Variants in ATXN2 observed in about 807,000 individuals in gnomAD.
ATXN2 encodes ataxin 2.
A neutral mutation model predicts 138.6 loss-of-function variants in ATXN2; 37 were observed. The observed-to-expected ratio is 0.27, with a 90% CI of 0.21 to 0.35. The LOEUF (loss-of-function observed/expected upper bound fraction) is 0.35, where lower values mean the gene tolerates loss of function less well. Ranked by LOEUF, ATXN2 falls within the 10% of genes least tolerant of loss-of-function variation. The pLI is 1.00. For missense variants in ATXN2, 1,216 were observed against 1,480.3 expected, an observed-to-expected ratio of 0.82 and a Z score of 2.93; for synonymous variants, 549 against 543.7, an observed-to-expected ratio of 1.01 and a Z score of -0.13.
At chr12:111,520,762 G>GA in intron 7 of ATXN2, 120 bp downstream of exon 7, 3 of 599,954 alleles carry the variant, frequency 5.0e-6, no homozygotes, top group Non-Finnish European at 8.1e-6. Context: ...GGTAATAAGA[G>GA]AAAAATTATT....
intron 14 of ATXN2, among the ~76,000 whole-genome samples, chr12:111,509,212 T>C (rs1159941207): frequency 6.6e-6 from 1 of 152,164 alleles, no homozygotes; most frequent in Non-Finnish European, 1.5e-5. Flanking sequence ...CATCTTCCAT[T>C]TGCCACACTA....
chr12:111,540,851 T>G (rs1592880044), intron 5 of ATXN2, among the ~76,000 whole-genome samples: 1 of 149,580 alleles, frequency 6.7e-6, no homozygotes, highest in Non-Finnish European at 1.5e-5. Context: ...TGTGCTACCA[T>G]GCCTGACTAA....
At position 111,599,295 on chromosome 12, in the gene ATXN2, A is replaced by T; in HGVS notation, c.-261T>A. 1 of 881,534 alleles carries T rather than the reference A, an allele frequency of 1.1e-6. No individual in the cohort carries two copies. The highest frequency in any genetic ancestry group is 1.3e-6 in the Non-Finnish European group (1 of 786,636). 54.6% of individuals were successfully genotyped at this position (881,534 alleles called of 1,614,324 possible). A position where few individuals can be genotyped will look rare whatever the true frequency, so the allele number is the denominator to read the frequency against. On this transcript the variant is annotated 5_prime_UTR_variant, in exon 1 of 25. Coordinates refer to ENST00000673436, the MANE Select transcript of ATXN2 (RefSeq NM_001372574.1). Reference sequence around the variant, plus strand: ...TTGCCGTTGCTACCAAAACAGTCTGAGGCGGAGGGAGGCGAGCTCTGCCGG... The same window carrying T: ...TTGCCGTTGCTACCAAAACAGTCTGTGGCGGAGGGAGGCGAGCTCTGCCGG...
chr12:111,566,542 A>G (rs1883020106), intron 1 of ATXN2, among the ~76,000 whole-genome samples: 1 of 152,144 alleles, frequency 6.6e-6, no homozygotes, highest in African/African-American at 2.4e-5. Context: ...TCTAAAAAGT[A>G]TTCACCATTC....
Position 111,598,068 on chromosome 12 carries a change from T to TGG in ATXN2, c.251+714_251+715dup. On this transcript the variant is annotated intron_variant, in intron 1 of 24. Transcript: ENST00000673436. This position sits in a 1 kb window ranked among gnomAD's most constrained non-coding sequence, Gnocchi z 4.5. The stretch of plus-strand genomic sequence containing the variant: ...CTTCCCTTCCCCAGGTGGGGGAGGG[T>TGG]GGAACGCTGCCGGAGGCCACATGGA... 2 of 1,141,708 alleles carry TGG rather than the reference T, an allele frequency of 1.8e-6. No homozygotes were observed. Among genetic ancestry groups the TGG allele is most frequent in the Non-Finnish European group, 2.2e-6 (2 of 914,628 alleles). The allele number at this position is 1,141,708 out of a possible 1,614,324, so 70.7% of individuals were successfully genotyped here.
At chr12:111,517,089 A>G (rs150832331) in intron 9 of ATXN2, among the ~76,000 whole-genome samples, 1 of 152,324 alleles carries the variant, frequency 6.6e-6, no homozygotes, top group African/African-American at 2.4e-5. Context: ...TGCTTAATAA[A>G]TACTGCAACT....
chr12:111,561,166 T>G (rs1169013205), intron 1 of ATXN2, among the ~76,000 whole-genome samples: 1 of 141,554 alleles, frequency 7.1e-6, no homozygotes, highest in Admixed American at 7.2e-5. Flanking sequence ...GCCTGGGCAA[T>G]ACAGCGAGAC....
At chr12:111,459,934 C>T (rs1340494483) in intron 21 of ATXN2, among the ~76,000 whole-genome samples, 1 of 152,082 alleles carries the variant, frequency 6.6e-6, no homozygotes, top group Non-Finnish European at 1.5e-5. Flanking sequence ...CCAGGCTGGT[C>T]TCAAACTCCT....
At chr12:111,506,579 A>C (rs1879123843) in intron 14 of ATXN2, among the ~76,000 whole-genome samples, 1 of 152,024 alleles carries the variant, frequency 6.6e-6, no homozygotes, top group Non-Finnish European at 1.5e-5. Flanking sequence ...CTGAGGAAAA[A>C]ATTCAAATGG....
chr12:111,460,130 G>A (rs1399596927), intron 21 of ATXN2, among the ~76,000 whole-genome samples: 1 of 152,246 alleles, frequency 6.6e-6, no homozygotes, highest in Non-Finnish European at 1.5e-5. Context: ...TGCCCAGGGT[G>A]GAGTGCAGTG....
At chr12:111,513,275 C>G in intron 11 of ATXN2, 82 bp downstream of exon 11, 1 of 1,480,520 alleles carries the variant, frequency 6.8e-7, no homozygotes, top group Non-Finnish European at 9.2e-7. Flanking sequence ...TACACTTCCT[C>G]AAACAGAGTT....
Position 111,565,788 on chromosome 12 carries a change from G to A in ATXN2, c.252-9869C>T, listed in dbSNP as rs975451578. ...AGGCAGGTGGATCACTTGAAGCCAG[G>A]AGTTCGAGCCCAGCCTGGCCAACAT... On this transcript the variant is annotated intron_variant, in intron 1 of 24. Transcript: ENST00000673436. 2.0e-5 allele frequency among the ~76,000 whole-genome samples: 3 copies of A among 152,120 alleles called. No homozygotes were observed. In the East Asian group the frequency reaches 5.8e-4, roughly 29 times the overall value.
At chr12:111,461,334 G>C (rs1875564072) in intron 21 of ATXN2, 1 of 152,102 alleles carries the variant, frequency 6.6e-6, no homozygotes, top group African/African-American at 2.4e-5. Context: ...GCTGGGCGTG[G>C]TGGCAGGCAC....
At chr12:111,530,290 G>C (rs951523855) in intron 5 of ATXN2, among the ~76,000 whole-genome samples, 13 of 152,186 alleles carry the variant, frequency 8.5e-5, no homozygotes, top group Admixed American at 3.3e-4. Flanking sequence ...GGAACTAGGA[G>C]CTCCTGGGTG....
At chr12:111,485,129 G>T (rs1167558289) in intron 18 of ATXN2, 136 bp downstream of exon 18, 2 of 706,476 alleles carry the variant, frequency 2.8e-6, no homozygotes, top group Non-Finnish European at 4.7e-6. Context: ...TCTATGTAAT[G>T]TTGTTCATCA....
upstream of ATXN2, chr12:111,599,665 T>A (rs777538603): frequency 4.6e-4 from 482 of 1,059,024 alleles, 1 homozygote; most frequent in Non-Finnish European, 5.4e-4. Context: ...GCTGGGTTGC[T>A]TTCTCGGGGG....
At chr12:111,599,553 G>T, upstream of ATXN2, 2 of 1,181,076 alleles carry the variant, frequency 1.7e-6, no homozygotes, top group South Asian at 3.8e-5. Context: ...TGGGAGCGGA[G>T]GTGCGGATAG....
chr12:111,510,420 G>A lies in ATXN2; in HGVS notation c.1721C>T (p.Pro574Leu). Residue 574 changes from proline (P) to leucine (L), a missense_variant, in exon 12 of 25, where the codon CCT becomes CTT. Transcript: ENST00000673436. The stretch of plus-strand genomic sequence containing the variant: ...AGGGGTAACAGCTCTGTTCGATGCA[G>A]GACTAGCAGGCGTAGGAGATGCAGC... ...IPAASPTPAS[P>L]ASNRAVTPSS... The A allele has an allele frequency of 3.7e-6, 6 of 1,614,112 alleles. No individual in the cohort carries two copies. Among genetic ancestry groups the A allele is most frequent in the Non-Finnish European group, 5.1e-6 (6 of 1,180,022 alleles).
At chr12:111,454,891 C>A in intron 23 of ATXN2, 1 of 596,966 alleles carries the variant, frequency 1.7e-6, no homozygotes, top group Non-Finnish European at 3.1e-6. Context: ...TCTTATGAAG[C>A]TGACTCCACC....
Sources: allele counts gnomAD v4.1 joint callset (sites outside exome capture counted in the v4.1 genomes callset), GRCh38; gene constraint gnomAD v4.1.1; non-coding constraint Gnocchi (gnomAD v3.1); transcripts MANE v1.5; gene names NCBI Gene and HGNC (gene_info 2026-07-23, HGNC 2026-07-21).